DNAH6: variants seen among roughly 807,000 people sequenced by gnomAD.
DNAH6 encodes the protein dynein axonemal heavy chain 6.
In DNAH6, 340 loss-of-function variants were observed where a neutral mutation model predicts 491.4. That is an observed-to-expected ratio of 0.69 (90% confidence interval 0.63 to 0.76). The LOEUF is 0.76. Ranked by LOEUF, DNAH6 falls within the 30% of genes least tolerant of loss-of-function variation. DNAH6 has a pLI of 0.00. For synonymous variants in DNAH6, 1,603 were observed against 1,686.1 expected (o/e 0.95, Z 1.21); for missense variants, 4,443 against 4,972.2 (o/e 0.89, Z 3.20).
chr2:84,656,401 C>A (rs1008105535), intron 35 of DNAH6, among the ~76,000 whole-genome samples: 3 of 152,098 alleles, frequency 2.0e-5, no homozygotes, highest in Non-Finnish European at 4.4e-5. Flanking sequence ...ATTTTGCATT[C>A]CCACCAATAA....
At position 84,688,550 on chromosome 2, in the gene DNAH6, G is replaced by C; in HGVS notation, c.7249G>C (p.Val2417Leu). ...TTATAATCTCACAAATCCCAAAGAA[G>C]TAAAGTTGGTGTTCTTCCAGGATGC... ...DDYNLTNPKEVKLVFFQDAIE... is the reference protein window; with the variant it reads ...DDYNLTNPKELKLVFFQDAIE... The change falls in exon 45 of 77, where the codon GTA (valine) becomes CTA (leucine). Residue 2417 changes from valine to leucine, a missense_variant. By Grantham distance (32) the Val-to-Leu change is conservative. Coordinates refer to ENST00000389394, the MANE Select transcript of DNAH6 (RefSeq NM_001370.2). The C allele has an allele frequency of 6.5e-7, 1 of 1,544,696 alleles. No individual in the cohort carries two copies. Among genetic ancestry groups the C allele is most frequent in the Non-Finnish European group, 8.7e-7 (1 of 1,145,614 alleles).
intron 4 of DNAH6, among the ~76,000 whole-genome samples, chr2:84,530,427 G>A (rs1677054105): frequency 6.6e-6 from 1 of 152,096 alleles, no homozygotes; most frequent in Non-Finnish European, 1.5e-5. Flanking sequence ...CAAACATCCT[G>A]AACTGGGAGC....
chr2:84,613,224 G>A (rs765489700), intron 22 of DNAH6, among the ~76,000 whole-genome samples: 3 of 151,938 alleles, frequency 2.0e-5, no homozygotes, highest in Non-Finnish European at 4.4e-5. Context: ...AGGAATGAGG[G>A]AATGAGTCAT....
In DNAH6 at chr2:84,701,229, C is replaced by T. The variant is rs371507847; in HGVS notation, c.7951C>T (p.Arg2651Cys). 54 of 1,551,732 alleles carry T rather than the reference C, an allele frequency of 3.5e-5. No individual in the cohort carries two copies. The highest frequency in any genetic ancestry group is 1.1e-4 in the African/African-American group (8 of 73,116). ...CTTGAGTGTCTCCAGCATGGCAGAGCGCTATTACAATGAGCTGCGCAGGCG... is the reference window on the plus strand; with the variant it reads ...CTTGAGTGTCTCCAGCATGGCAGAGTGCTATTACAATGAGCTGCGCAGGCG... Reference protein sequence around the residue: ...VHLSVSSMAERYYNELRRRYY... With the variant: ...VHLSVSSMAECYYNELRRRYY... Residue 2651 changes from arginine to cysteine, a missense_variant, in exon 49 of 77, where the codon CGC (arginine) becomes TGC (cysteine). Arg to Cys is a radical substitution (Grantham distance 180, BLOSUM62 -3). Around this residue, in one of 3 missense-constraint regions of DNAH6, gnomAD observed 2,977 missense variants for 3,296.6 expected, o/e 0.90. Transcript: ENST00000389394.
At chr2:84,790,999 G>A (rs1164263093) in intron 68 of DNAH6, among the ~76,000 whole-genome samples, 3 of 152,104 alleles carry the variant, frequency 2.0e-5, no homozygotes, top group Non-Finnish European at 2.9e-5. Flanking sequence ...AGACCAGCCT[G>A]GCCAACATGG....
chr2:84,669,620 G>A lies in DNAH6; in HGVS notation c.6306+110G>A, dbSNP rs1022474458. 8.7e-5 allele frequency: 82 copies of A among 940,254 alleles called. 1 individual carries two copies. In the Admixed American group the frequency reaches 1.1e-3, roughly 13 times the overall value. The allele number at this position is 940,254 out of a possible 1,614,324, so 58.2% of individuals were successfully genotyped here. ...ATTTCTGAGAGGAATTTTGTTTAGC[G>A]TTTAGCACTTTTGCAGGAAGAATAT... On this transcript the variant is annotated intron_variant, in intron 38 of 76. Transcript: ENST00000389394.
At chr2:84,767,483 G>T (rs947113644) in intron 64 of DNAH6, among the ~76,000 whole-genome samples, 2 of 151,956 alleles carry the variant, frequency 1.3e-5, no homozygotes, top group African/African-American at 4.8e-5. Context: ...CCATGTTCAT[G>T]CTACTGCACT....
At chr2:84,694,535 C>T (rs1573512123) in intron 46 of DNAH6, 55 bp downstream of exon 46, 1 of 1,302,056 alleles carries the variant, frequency 7.7e-7, no homozygotes, top group Non-Finnish European at 1.1e-6. Flanking sequence ...GTGTTACAAT[C>T]GGGTGTGTGC....
At chr2:84,811,627 A>G (rs1192363) in intron 72 of DNAH6, among the ~76,000 whole-genome samples, 38,717 of 152,036 alleles carry the variant, frequency 0.25, 5,621 homozygotes, top group African/African-American at 0.42. Flanking sequence ...TTGGGAGGCT[A>G]AGGTGGGCAG....
the DNAH6 span, among the ~76,000 whole-genome samples, chr2:84,499,404 T>G: frequency 2.6e-5 from 4 of 152,256 alleles, no homozygotes; most frequent in Admixed American, 2.0e-4. Flanking sequence ...TAGTACTCCA[T>G]TGTGTATGCA....
intron 31 of DNAH6, 51 bp from the exon 32 acceptor site, chr2:84,640,379 C>A: frequency 8.7e-7 from 1 of 1,154,968 alleles, no homozygotes; most frequent in Non-Finnish European, 1.2e-6. Context: ...CATGCTAATA[C>A]ATTGTTATCA....
intron 58 of DNAH6, among the ~76,000 whole-genome samples, 191 bp downstream of exon 58, chr2:84,715,818 G>C (rs1021997858): frequency 2.6e-5 from 4 of 152,032 alleles, no homozygotes; most frequent in Non-Finnish European, 5.9e-5. Context: ...AGCTGATCTT[G>C]TCTACCGTCT....
chr2:84,778,644 G>A (rs528626590), intron 64 of DNAH6, among the ~76,000 whole-genome samples: 13 of 152,060 alleles, frequency 8.5e-5, no homozygotes, highest in African/African-American at 2.7e-4. Context: ...GGGACTGCAG[G>A]CACACACCAC....
chr2:84,519,854 T>C (rs936198601), intron 2 of DNAH6, among the ~76,000 whole-genome samples: 1 of 152,172 alleles, frequency 6.6e-6, no homozygotes, highest in Non-Finnish European at 1.5e-5. Flanking sequence ...TACAAATTTA[T>C]TTGTAATTTT....
At chr2:84,804,640 G>A (rs929737053) in intron 70 of DNAH6, among the ~76,000 whole-genome samples, 6 of 151,906 alleles carry the variant, frequency 3.9e-5, no homozygotes, top group African/African-American at 1.4e-4. Context: ...ATAAAAGAAT[G>A]ACCTGAAACT....
intron 18 of DNAH6, among the ~76,000 whole-genome samples, chr2:84,596,348 T>C (rs1684578281): frequency 6.6e-6 from 1 of 152,124 alleles, no homozygotes; most frequent in Admixed American, 6.6e-5. Context: ...TGTTTGTTTT[T>C]TGTTCACTTT....
Position 84,639,417 on chromosome 2 carries a change from A to ATTTTT in DNAH6, c.4822-998_4822-994dup, listed in dbSNP as rs374331918. Reference sequence around the variant, plus strand: ...AATGAATTAGATTCTGTTGTCAGTAATTTTTTTTTTTTTTTTTTTGAGAAA... The same window carrying ATTTTT: ...AATGAATTAGATTCTGTTGTCAGTAATTTTTTTTTTTTTTTTTTTTTTTTGAGAAA... On this transcript the variant is annotated intron_variant, in intron 31 of 76. Transcript: ENST00000389394. 3.0e-3 allele frequency among the ~76,000 whole-genome samples: 401 copies of ATTTTT among 133,218 alleles called. 5 individuals are homozygous for ATTTTT. Among genetic ancestry groups the ATTTTT allele is most frequent in the African/African-American group, 9.8e-3 (350 of 35,634 alleles). 87.4% of individuals were successfully genotyped at this position (133,218 alleles called of 152,430 possible).
At chr2:84,686,704 C>T in intron 44 of DNAH6, 147 bp downstream of exon 44, 1 of 551,570 alleles carries the variant, frequency 1.8e-6, no homozygotes, top group Admixed American at 3.7e-5. Context: ...CCATGAGCCA[C>T]ATCTGCCTGC....
At position 84,573,597 on chromosome 2, in the gene DNAH6, C is replaced by G; in HGVS notation, c.1924+10C>G. 5 of 1,547,512 alleles carry G rather than the reference C, an allele frequency of 3.2e-6. No homozygotes were observed. The highest frequency in any genetic ancestry group is 4.3e-6 in the Non-Finnish European group (5 of 1,158,114). ...AAACTTCAGGAACCTGGTAACTTGT[C>G]CATTTGTACTTACTAATTATTTTTA... On this transcript the variant is annotated intron_variant, in intron 12 of 76. Coordinates refer to ENST00000389394, the MANE Select transcript of DNAH6 (RefSeq NM_001370.2).
Sources: gnomAD v4.1 joint callset for allele counts (sites outside exome capture counted in the v4.1 genomes callset) on GRCh38, gnomAD v4.1.1 for gene constraint, gnomAD v4.1.1 regional missense constraint, MANE v1.5 for transcripts, NCBI Gene and HGNC (gene_info 2026-07-23, HGNC 2026-07-21) for gene names.